PCDH15: variants seen among roughly 807,000 people sequenced by gnomAD.
The protein encoded by PCDH15 is protocadherin-15.
In PCDH15, 129 loss-of-function variants were observed where a neutral mutation model predicts 178.5. The observed-to-expected ratio is 0.72, with a 90% CI of 0.63 to 0.84. The LOEUF is 0.84. PCDH15 is among the 40% of genes least tolerant of loss of function. The pLI, the probability that PCDH15 is intolerant of heterozygous loss-of-function variation, is 0.00. For missense variants in PCDH15, 2,230 were observed against 2,099.9 expected (o/e 1.06, Z -1.21); for synonymous variants, 800 against 732.0 (o/e 1.09, Z -1.50).
At chr10:55,596,631 T>G (rs1842940283) in intron 2 of PCDH15, among the ~76,000 whole-genome samples, 1 of 152,104 alleles carries the variant, frequency 6.6e-6, no homozygotes, top group Non-Finnish European at 1.5e-5. Context: ...TGATTATATG[T>G]GGGATTAACA....
At chr10:54,250,028 C>A (rs1464799115) in intron 8 of PCDH15, among the ~76,000 whole-genome samples, 1 of 151,560 alleles carries the variant, frequency 6.6e-6, no homozygotes, top group Non-Finnish European at 1.5e-5. Context: ...CCTCCCACTT[C>A]AGCACCAGAG....
At chr10:54,984,989 A>G (rs1236825950) in intron 2 of PCDH15, among the ~76,000 whole-genome samples, 3 of 152,172 alleles carry the variant, frequency 2.0e-5, no homozygotes, top group African/African-American at 7.2e-5. Flanking sequence ...TAGGAGTATT[A>G]GCCATGACCC....
intron 2 of PCDH15, among the ~76,000 whole-genome samples, chr10:55,094,926 A>ATT (rs1349124527): frequency 6.2e-5 from 8 of 129,190 alleles, no homozygotes; most frequent in African/African-American, 2.8e-4. Flanking sequence ...CTATATCCAA[A>ATT]TTCTTTTTTT....
intron 1 of PCDH15, among the ~76,000 whole-genome samples, chr10:54,744,802 G>A (rs1204686800): frequency 6.6e-6 from 1 of 152,116 alleles, no homozygotes; most frequent in Non-Finnish European, 1.5e-5. Flanking sequence ...TAGGTTTTGA[G>A]TAACTGTTTT....
At chr10:54,394,450 C>T (rs1000481343) in intron 3 of PCDH15, among the ~76,000 whole-genome samples, 2 of 152,044 alleles carry the variant, frequency 1.3e-5, no homozygotes, top group African/African-American at 4.8e-5. Flanking sequence ...CCACAAGCCA[C>T]AAAAACCAGC....
At chr10:55,177,818 C>A (rs546266472) in intron 1 of PCDH15, among the ~76,000 whole-genome samples, 1 of 152,210 alleles carries the variant, frequency 6.6e-6, no homozygotes, top group African/African-American at 2.4e-5. Context: ...CCAGAGAGAA[C>A]CTCAAAGAAA....
At chr10:54,323,400 A>G (rs1181510759) in intron 7 of PCDH15, among the ~76,000 whole-genome samples, 1 of 152,148 alleles carries the variant, frequency 6.6e-6, no homozygotes, top group Admixed American at 6.6e-5. Flanking sequence ...TCTACCAAAA[A>G]GACACATGCA....
chr10:53,979,943 G>A (rs538658465), intron 21 of PCDH15, among the ~76,000 whole-genome samples: 130 of 152,310 alleles, frequency 8.5e-4, no homozygotes, highest in Non-Finnish European at 1.5e-3. Context: ...ACTAGGCCAG[G>A]TGCGGCGGCT....
intron 2 of PCDH15, among the ~76,000 whole-genome samples, chr10:54,955,751 T>C (rs1838469559): frequency 6.6e-6 from 1 of 151,320 alleles, no homozygotes; most frequent in South Asian, 2.1e-4. Context: ...AAACTACACC[T>C]GTAACCTTGG....
At chr10:55,367,276 G>A (rs1845387618) in intron 2 of PCDH15, among the ~76,000 whole-genome samples, 1 of 152,036 alleles carries the variant, frequency 6.6e-6, no homozygotes, top group South Asian at 2.1e-4. Context: ...TGATGATAAA[G>A]CAGCACTCAA....
chr10:54,167,930 T>C (rs1213550046), intron 13 of PCDH15, among the ~76,000 whole-genome samples: 1 of 151,538 alleles, frequency 6.6e-6, no homozygotes, highest in Admixed American at 6.6e-5. Flanking sequence ...TTTCCCACTT[T>C]TCTGGAAGGT....
At chr10:55,250,651 C>T (rs1841812258) in intron 1 of PCDH15, among the ~76,000 whole-genome samples, 1 of 150,424 alleles carries the variant, frequency 6.6e-6, no homozygotes, top group Non-Finnish European at 1.5e-5. Flanking sequence ...ATTCTCCTGC[C>T]TCACCCTCCC....
intron 2 of PCDH15, among the ~76,000 whole-genome samples, chr10:54,944,085 T>A (rs557733647): frequency 1.3e-5 from 2 of 152,000 alleles, no homozygotes; most frequent in East Asian, 3.9e-4. Flanking sequence ...ACCCAAAGCA[T>A]GGACCAAAAG....
intron 3 of PCDH15, among the ~76,000 whole-genome samples, chr10:54,446,329 A>G (rs762261688): frequency 2.0e-5 from 3 of 151,664 alleles, no homozygotes; most frequent in Non-Finnish European, 3.0e-5. Flanking sequence ...CTCATATTCA[A>G]ACATATTCTG....
At chr10:55,277,149 C>T (rs920011030) in intron 1 of PCDH15, among the ~76,000 whole-genome samples, 1 of 151,926 alleles carries the variant, frequency 6.6e-6, no homozygotes, top group Non-Finnish European at 1.5e-5. Flanking sequence ...ACTATCACGA[C>T]CTATATTTTT....
At chr10:54,155,608 G>A (rs909654949) in intron 13 of PCDH15, among the ~76,000 whole-genome samples, 3 of 151,870 alleles carry the variant, frequency 2.0e-5, no homozygotes, top group Non-Finnish European at 4.4e-5. Context: ...AAAATAAGCT[G>A]AGACACTGAT....
intron 21 of PCDH15, among the ~76,000 whole-genome samples, chr10:53,991,990 C>T (rs545012833): frequency 6.6e-6 from 1 of 152,064 alleles, no homozygotes; most frequent in Admixed American, 6.6e-5. Flanking sequence ...AAGCGTTGTT[C>T]TTTTGCTCTT....
intron 2 of PCDH15, among the ~76,000 whole-genome samples, chr10:54,986,283 A>C (rs979472251): frequency 6.6e-6 from 1 of 152,082 alleles, no homozygotes; most frequent in East Asian, 1.9e-4. Flanking sequence ...AAAACTTGAA[A>C]CATGTAGGTA....
At chr10:54,041,592 C>T (rs2093547285) in intron 18 of PCDH15, among the ~76,000 whole-genome samples, 2 of 151,972 alleles carry the variant, frequency 1.3e-5, no homozygotes, top group Admixed American at 1.3e-4. Flanking sequence ...TTAACCCGGC[C>T]TCCTGAAAAT....
Sources: allele counts gnomAD v4.1 joint callset (sites outside exome capture counted in the v4.1 genomes callset), GRCh38; gene constraint gnomAD v4.1.1; transcripts MANE v1.5; gene names NCBI Gene and HGNC (gene_info 2026-07-23, HGNC 2026-07-21).